Variants in NRG3 observed in about 807,000 individuals in gnomAD.
The protein encoded by NRG3 is pro-neuregulin-3, membrane-bound isoform.
Under a neutral mutation model 66.9 loss-of-function variants are expected in NRG3, and 31 were observed. The ratio of observed to expected loss-of-function variants is 0.46; its 90% CI spans 0.35 to 0.63. The LOEUF is 0.63. NRG3 is among the 20% of genes least tolerant of loss of function. The pLI, the probability that NRG3 is intolerant of heterozygous loss-of-function variation, is 0.00. For synonymous variants in NRG3, 393 were observed against 359.4 expected (o/e 1.09, Z -1.06); for missense variants, 910 against 878.9 (o/e 1.04, Z -0.45).
intron 3 of NRG3, among the ~76,000 whole-genome samples, chr10:82,820,016 T>C (rs2135564071): frequency 6.6e-6 from 1 of 152,242 alleles, no homozygotes; most frequent in East Asian, 1.9e-4. Flanking sequence ...TGAACACAGA[T>C]GGGTCCGGAA....
intron 3 of NRG3, among the ~76,000 whole-genome samples, chr10:82,768,248 T>A (rs1222499406): frequency 6.6e-6 from 1 of 152,168 alleles, no homozygotes; most frequent in East Asian, 1.9e-4. Context: ...GTTTTTAGTC[T>A]CAGACTTCTC....
At chr10:82,505,182 G>T (rs540809910) in intron 2 of NRG3, among the ~76,000 whole-genome samples, 1 of 152,196 alleles carries the variant, frequency 6.6e-6, no homozygotes, top group Non-Finnish European at 1.5e-5. Context: ...GAAATGCAAA[G>T]TATTTAACTG....
intron 2 of NRG3, among the ~76,000 whole-genome samples, chr10:82,618,342 G>A (rs528327693): frequency 9.2e-5 from 14 of 152,018 alleles, no homozygotes; most frequent in Non-Finnish European, 1.6e-4. Context: ...GAATTTATGC[G>A]GGGAGTTGGT....
rs150784660 is a variant in NRG3 at position 82,370,550 on chromosome 10, C to G, written c.953+11682C>G. ...AAATGCCTATTCTTATTCAGGGATG[C>G]GGGCATCTAGGCTTAAAGGTGGGGC... On this transcript the variant is annotated intron_variant, in intron 2 of 8. Transcript: ENST00000372141. 1.8e-4 allele frequency among the ~76,000 whole-genome samples: 26 copies of G among 146,008 alleles called. 4 individuals carry two copies. The East Asian group carries it at 5.1e-3, about 29-fold the overall frequency.
chr10:82,570,556 A>C (rs954107419), intron 2 of NRG3, among the ~76,000 whole-genome samples: 3 of 151,534 alleles, frequency 2.0e-5, no homozygotes, highest in Non-Finnish European at 3.0e-5. Flanking sequence ...CCTGTTTTTT[A>C]ACTGTGTATT....
intron 2 of NRG3, among the ~76,000 whole-genome samples, chr10:82,533,013 C>T (rs916352560): frequency 2.0e-5 from 3 of 149,912 alleles, no homozygotes; most frequent in African/African-American, 7.3e-5. Context: ...AATGACATTT[C>T]GCTGTGTTTT....
At chr10:82,972,920 C>A (rs921658380) in intron 6 of NRG3, among the ~76,000 whole-genome samples, 2 of 152,062 alleles carry the variant, frequency 1.3e-5, no homozygotes. Flanking sequence ...CTCAGGTTAA[C>A]ACTTAAAATC....
chr10:82,864,965 T>C (rs1307414346), intron 3 of NRG3, among the ~76,000 whole-genome samples: 1 of 152,210 alleles, frequency 6.6e-6, no homozygotes, highest in Non-Finnish European at 1.5e-5. Context: ...GATTAGGGCC[T>C]GGCATGCAGA....
chr10:82,486,740 C>T (rs1020458700), intron 2 of NRG3, among the ~76,000 whole-genome samples: 1 of 152,060 alleles, frequency 6.6e-6, no homozygotes, highest in African/African-American at 2.4e-5. Flanking sequence ...TATCATTCAG[C>T]CATAAGAATG....
At chr10:82,418,442 A>T (rs1006884898) in intron 2 of NRG3, among the ~76,000 whole-genome samples, 3 of 152,186 alleles carry the variant, frequency 2.0e-5, no homozygotes, top group Non-Finnish European at 4.4e-5. Context: ...ATGCAAATTA[A>T]CCAGTTTATG....
chr10:82,271,112 CT>C (rs2078570175), intron 1 of NRG3, among the ~76,000 whole-genome samples: 1 of 151,930 alleles, frequency 6.6e-6, no homozygotes, highest in South Asian at 2.1e-4. Context: ...TGGCTACAGG[CT>C]TAGGGGTGAG....
At chr10:82,643,564 A>C (rs952286198) in intron 2 of NRG3, among the ~76,000 whole-genome samples, 1 of 152,126 alleles carries the variant, frequency 6.6e-6, no homozygotes, top group African/African-American at 2.4e-5. Flanking sequence ...ATTGCTTATT[A>C]AATAGATCAG....
At chr10:82,217,757 A>C (rs1364190528) in intron 1 of NRG3, among the ~76,000 whole-genome samples, 1 of 152,098 alleles carries the variant, frequency 6.6e-6, no homozygotes, top group Admixed American at 6.5e-5. Context: ...CTAAAATTAC[A>C]CTTCCTCCTC....
At chr10:82,529,961 A>G (rs1174373673) in intron 2 of NRG3, among the ~76,000 whole-genome samples, 3 of 152,190 alleles carry the variant, frequency 2.0e-5, no homozygotes, top group African/African-American at 7.2e-5. Flanking sequence ...AAACAGTTAA[A>G]TGATGCCAGT....
intron 1 of NRG3, among the ~76,000 whole-genome samples, chr10:82,229,862 T>C (rs11193083): frequency 0.034 from 5,104 of 152,084 alleles, 93 homozygotes; most frequent in South Asian, 0.062. Context: ...CAAAGTTACA[T>C]TGGAAATAAC....
At chr10:82,457,909 A>G (rs901797970) in intron 2 of NRG3, among the ~76,000 whole-genome samples, 1 of 152,218 alleles carries the variant, frequency 6.6e-6, no homozygotes, top group Non-Finnish European at 1.5e-5. Flanking sequence ...AGGAGGGTCT[A>G]GCACCCACTG....
chr10:82,763,566 ATAAT>A (rs1304798618), intron 3 of NRG3, among the ~76,000 whole-genome samples: 2 of 152,156 alleles, frequency 1.3e-5, no homozygotes, highest in Non-Finnish European at 2.9e-5. Context: ...AATAATCAAA[ATAAT>A]TAATATACGA....
chr10:81,908,646 C>T (rs1844824550), intron 1 of NRG3, among the ~76,000 whole-genome samples: 1 of 152,120 alleles, frequency 6.6e-6, no homozygotes, highest in African/African-American at 2.4e-5. Flanking sequence ...ACCTTTGTTC[C>T]TCTCTATGTG....
chr10:82,859,795 C>A (rs896919705), intron 3 of NRG3, among the ~76,000 whole-genome samples: 2 of 152,086 alleles, frequency 1.3e-5, no homozygotes, highest in African/African-American at 4.8e-5. Flanking sequence ...GTTAATTAAC[C>A]TGATTTAGCC....
Sources: allele counts gnomAD v4.1 joint callset (sites outside exome capture counted in the v4.1 genomes callset), GRCh38; gene constraint gnomAD v4.1.1; transcripts MANE v1.5; gene names NCBI Gene and HGNC (gene_info 2026-07-23, HGNC 2026-07-21).